Variants in ADAM28 observed in about 807,000 individuals in gnomAD.
ADAM28 encodes the protein disintegrin and metalloproteinase domain-containing protein 28.
Under a neutral mutation model 101.2 loss-of-function variants are expected in ADAM28, and 105 were observed. The ratio of observed to expected loss-of-function variants is 1.04; its 90% CI spans 0.89 to 1.22. The LOEUF (loss-of-function observed/expected upper bound fraction) is 1.22. Among genes scored for constraint, ADAM28 ranks in the 50% most tolerant of loss-of-function variants. The pLI is 0.00. For synonymous variants in ADAM28, 322 were observed against 310.6 expected (o/e 1.04, Z -0.39); for missense variants, 1,028 against 945.4 (o/e 1.09, Z -1.15).
At chr8:24,347,574 A>G (rs990104405) in intron 18 of ADAM28, among the ~76,000 whole-genome samples, 5 of 152,140 alleles carry the variant, frequency 3.3e-5, no homozygotes, top group African/African-American at 1.2e-4. Flanking sequence ...AATTAAGCCT[A>G]ACATTGTTTA....
intron 15 of ADAM28, chr8:24,341,152 A>C (rs1435698478): frequency 6.5e-6 from 1 of 153,484 alleles, no homozygotes. Flanking sequence ...CCATGATGTT[A>C]GGAATCCATG....
chr8:24,298,483 G>T (rs569490196), intron 1 of ADAM28, among the ~76,000 whole-genome samples: 278 of 152,084 alleles, frequency 1.8e-3, no homozygotes, highest in African/African-American at 6.2e-3. Flanking sequence ...ACAATGTTTT[G>T]CTCTGTGGGA....
rs372777278 is a variant in ADAM28, at chr8:24,310,186, C to A, written c.251C>A (p.Thr84Lys). ...KNKNLLAPGY[T>K]ETYYNSTGKE... is the part of the protein sequence containing the mutation. ...AGGAACCTCCTTGCACCAGGCTACA[C>A]GGAAACATATTATAATTCCACTGGA... is the stretch of plus-strand genomic sequence containing the variant. Residue 84 changes from threonine to lysine, a missense_variant, in exon 4 of 23, where the codon ACG (threonine) becomes AAG (lysine). Coordinates refer to ENST00000265769, the MANE Select transcript of ADAM28 (RefSeq NM_014265.6). 1.2e-6 allele frequency: 2 copies of A among 1,613,344 alleles called. No individual in the cohort carries two copies. Among genetic ancestry groups the A allele is most frequent in the South Asian group, 1.1e-5 (1 of 91,072 alleles).
At chr8:24,313,810 T>A (rs1810804083) in intron 6 of ADAM28, among the ~76,000 whole-genome samples, 1 of 151,420 alleles carries the variant, frequency 6.6e-6, no homozygotes. Flanking sequence ...TGGGCTGTAG[T>A]GCAATGGTGT....
At chr8:24,294,290 T>G in intron 1 of ADAM28, 95 bp downstream of exon 1, 1 of 1,425,826 alleles carries the variant, frequency 7.0e-7, no homozygotes, top group Non-Finnish European at 9.8e-7. Context: ...TTTTGACTTT[T>G]TTCTTTTTCT....
intron 2 of ADAM28, among the ~76,000 whole-genome samples, chr8:24,301,580 G>C (rs1158006251): frequency 6.6e-6 from 1 of 152,172 alleles, no homozygotes; most frequent in Non-Finnish European, 1.5e-5. Context: ...TAAGTGGAGA[G>C]ATAGGGGCTC....
chr8:24,303,618 A>ATACAGGCTCT (rs2129243160), intron 2 of ADAM28, among the ~76,000 whole-genome samples: 1 of 152,282 alleles, frequency 6.6e-6, no homozygotes, highest in East Asian at 1.9e-4. Context: ...TGTCTTGGCT[A>ATACAGGCTCT]TACAGGCTCT....
At chr8:24,300,763 A>G (rs926545116) in intron 2 of ADAM28, 9 of 152,188 alleles carry the variant, frequency 5.9e-5, no homozygotes, top group African/African-American at 1.9e-4. Context: ...CCAAAAGAAA[A>G]TTGGATGCTA....
At chr8:24,302,390 G>T (rs752654899) in intron 2 of ADAM28, among the ~76,000 whole-genome samples, 8 of 152,144 alleles carry the variant, frequency 5.3e-5, no homozygotes, top group Admixed American at 1.3e-4. Context: ...GAATAGTGCC[G>T]CAATGAACAT....
Position 24,354,629 on chromosome 8 carries a change from TATAAG to T in ADAM28, c.*227_*231del, listed in dbSNP as rs1816552694. The T allele has an allele frequency of 1.2e-5, 5 of 411,826 alleles. No individual in the cohort carries two copies. The highest frequency in any genetic ancestry group is 2.2e-5 in the Non-Finnish European group (5 of 227,732). The allele number at this position is 411,826 out of a possible 1,614,324, so 25.5% of individuals were successfully genotyped here. A position where few individuals can be genotyped will look rare whatever the true frequency, so the allele number is the denominator to read the frequency against. On this transcript the variant is annotated 3_prime_UTR_variant, in exon 23 of 23. Transcript: ENST00000265769. ...ATTTAAAATTTCAATTATCCATTCT[TATAAG>T]AAGGAAGATGATTGTAAAGAAATAT...
rs895866817 is a variant in ADAM28, at chr8:24,355,443, C to A, written c.*1039C>A. The A allele has an allele frequency of 2.0e-5, 3 of 151,960 alleles. No homozygotes were observed. The highest frequency in any genetic ancestry group is 2.9e-5 in the Non-Finnish European group (2 of 67,956). 9.4% of individuals were successfully genotyped at this position (151,960 alleles called of 1,614,324 possible). A position where few individuals can be genotyped will look rare whatever the true frequency, so the allele number is the denominator to read the frequency against. ...TAAATCCCTATCCTTTTAAGTAAGT[C>A]AAGTCAATTAAAATAACCTCATTTT... On this transcript the variant is annotated 3_prime_UTR_variant, in exon 23 of 23. Transcript: ENST00000265769.
At position 24,354,440 on chromosome 8, in the gene ADAM28, C is replaced by CAACT. The variant is rs1563335604; in HGVS notation, c.*37_*40dup. 6.3e-7 allele frequency: 1 copy of CAACT among 1,596,214 alleles called. No homozygotes were observed. Among genetic ancestry groups the CAACT allele is most frequent in the South Asian group, 1.1e-5 (1 of 88,078 alleles). Reference sequence around the variant, plus strand: ...AAGCAAGAACTAATGGCTAAATTATCAACTTGGAAAACTGGAAAATCTGGA... The same window carrying CAACT: ...AAGCAAGAACTAATGGCTAAATTATCAACTAACTTGGAAAACTGGAAAATCTGGA... On this transcript the variant is annotated 3_prime_UTR_variant, in exon 23 of 23. Transcript: ENST00000265769.
chr8:24,295,583 C>G (rs1807855428), intron 1 of ADAM28, among the ~76,000 whole-genome samples: 1 of 152,102 alleles, frequency 6.6e-6, no homozygotes, highest in South Asian at 2.1e-4. Flanking sequence ...GCGTAAAGAT[C>G]AAGCTGGATC....
chr8:24,350,812 G>A (rs1375453428), intron 19 of ADAM28, among the ~76,000 whole-genome samples: 2 of 151,538 alleles, frequency 1.3e-5, no homozygotes, highest in Admixed American at 1.3e-4. Flanking sequence ...GTCTTGCAGA[G>A]TAAGTGGTGG....
intron 9 of ADAM28, chr8:24,325,009 C>G (rs1761927523): frequency 6.6e-6 from 1 of 151,944 alleles, no homozygotes; most frequent in Admixed American, 6.6e-5. Flanking sequence ...AGGCACTACT[C>G]AGGCTGAGAA....
intron 14 of ADAM28, among the ~76,000 whole-genome samples, chr8:24,338,449 G>T (rs1030986807): frequency 6.6e-6 from 1 of 151,444 alleles, no homozygotes; most frequent in Non-Finnish European, 1.5e-5. Flanking sequence ...CATGACTAAT[G>T]ATTCTTTTCT....
chr8:24,340,469 G>T lies in ADAM28; in HGVS notation c.1670+901G>T, dbSNP rs557339996. Reference sequence around the variant, plus strand: ...AAAAGGCAGTATGTGAGGGCCAGAGGAAGGGCAATTGTAGGTGGTGAATGG... The same window carrying T: ...AAAAGGCAGTATGTGAGGGCCAGAGTAAGGGCAATTGTAGGTGGTGAATGG... On this transcript the variant is annotated intron_variant, in intron 15 of 22. Coordinates refer to ENST00000265769, the MANE Select transcript of ADAM28 (RefSeq NM_014265.6). Among the ~76,000 whole-genome samples the T allele has an allele frequency of 3.2e-4, 49 of 152,314 alleles. No homozygotes were observed. The South Asian group carries it at 9.9e-3, about 31-fold the overall frequency.
chr8:24,338,047 G>A (rs1438671855), intron 14 of ADAM28, among the ~76,000 whole-genome samples: 3 of 152,088 alleles, frequency 2.0e-5, no homozygotes, highest in African/African-American at 4.8e-5. Flanking sequence ...TACACTGCTG[G>A]TAAATACACA....
At chr8:24,312,411 G>A (rs1272491645) in intron 5 of ADAM28, among the ~76,000 whole-genome samples, 2 of 151,866 alleles carry the variant, frequency 1.3e-5, no homozygotes, top group Non-Finnish European at 2.9e-5. Flanking sequence ...CCCTTACCAA[G>A]TCTTATTGAT....
Sources: allele counts gnomAD v4.1 joint callset (sites outside exome capture counted in the v4.1 genomes callset), GRCh38; gene constraint gnomAD v4.1.1; transcripts MANE v1.5; gene names NCBI Gene and HGNC (gene_info 2026-07-23, HGNC 2026-07-21).